RAP1GAP2: variants seen among roughly 807,000 people sequenced by gnomAD.
RAP1GAP2 encodes RAP1 GTPase activating protein 2.
A neutral mutation model predicts 95.0 loss-of-function variants in RAP1GAP2; 27 were observed. The observed-to-expected ratio is 0.28, with a 90% CI of 0.21 to 0.39. The LOEUF (loss-of-function observed/expected upper bound fraction) is 0.39, where lower values mean the gene tolerates loss of function less well. Ranked by LOEUF, RAP1GAP2 falls within the 10% of genes least tolerant of loss-of-function variation. RAP1GAP2 has a pLI of 1.00. For missense variants in RAP1GAP2, 771 were observed against 970.0 expected (o/e 0.79, Z 2.72); for synonymous variants, 373 against 380.9 (o/e 0.98, Z 0.24).
intron 2 of RAP1GAP2, among the ~76,000 whole-genome samples, chr17:2,880,940 A>G (rs2073261882): frequency 6.6e-6 from 1 of 152,054 alleles, no homozygotes. Flanking sequence ...CAGCCTGTCC[A>G]ACATGGTGAA....
intron 2 of RAP1GAP2, among the ~76,000 whole-genome samples, chr17:2,901,022 A>G (rs1329512632): frequency 6.6e-6 from 1 of 152,220 alleles, no homozygotes; most frequent in African/African-American, 2.4e-5. Flanking sequence ...GGGCTCCGCC[A>G]GGGGTCTGTC....
intron 1 of RAP1GAP2, among the ~76,000 whole-genome samples, chr17:2,764,843 G>A (rs1355556786): frequency 6.6e-6 from 1 of 152,232 alleles, no homozygotes; most frequent in African/African-American, 2.4e-5. Context: ...GGGCTCCCCA[G>A]GCACTAATCT....
intron 2 of RAP1GAP2, among the ~76,000 whole-genome samples, chr17:2,873,195 C>T (rs1226257923): frequency 1.3e-5 from 2 of 149,102 alleles, no homozygotes; most frequent in South Asian, 2.1e-4. Flanking sequence ...TGCAGTGGCT[C>T]ATGTCTGTAA....
intron 8 of RAP1GAP2, among the ~76,000 whole-genome samples, chr17:2,974,127 G>C (rs1341937009): frequency 6.6e-6 from 1 of 151,404 alleles, no homozygotes; most frequent in Non-Finnish European, 1.5e-5. Context: ...GGATCACGAG[G>C]TCAGGAGATC....
Position 2,977,347 on chromosome 17 carries a change from T to C in RAP1GAP2, c.597-2940T>C, listed in dbSNP as rs565993160. On this transcript the variant is annotated intron_variant, in intron 8 of 24. Transcript: ENST00000254695. ...TTCACCACTAAAGAATTTGAATTAG[T>C]ACGCAAAAGTATCCTCCTATAAAAA... Among the ~76,000 whole-genome samples the C allele has an allele frequency of 4.6e-5, 7 of 152,270 alleles. No homozygotes were observed. In the East Asian group the frequency reaches 1.4e-3, roughly 29 times the overall value.
At position 2,836,099 on chromosome 17, in the gene RAP1GAP2, C is replaced by A. The variant is rs566613785; in HGVS notation, c.80+35549C>A. On this transcript the variant is annotated intron_variant, in intron 2 of 24. Transcript: ENST00000254695. ...CAGGGGCTTCTCCTGGGAAGTTGTC[C>A]CCATGTCGCCTTCGGGGGGTGCTCC... 2.0e-5 allele frequency among the ~76,000 whole-genome samples: 3 copies of A among 152,098 alleles called. No individual in the cohort carries two copies. In the East Asian group the frequency reaches 5.8e-4, roughly 30 times the overall value.
At chr17:2,881,606 A>T (rs551223348) in intron 2 of RAP1GAP2, among the ~76,000 whole-genome samples, 1 of 152,122 alleles carries the variant, frequency 6.6e-6, no homozygotes, top group Non-Finnish European at 1.5e-5. Context: ...GTTGCTATGA[A>T]CACTTGTGTA....
At chr17:3,032,528 A>C in intron 24 of RAP1GAP2, 79 bp downstream of exon 24, 3 of 1,407,988 alleles carry the variant, frequency 2.1e-6, no homozygotes, top group Non-Finnish European at 3.0e-6. Context: ...GAGGCCTTGT[A>C]ACCTCAGAAT....
chr17:2,900,129 T>C lies in RAP1GAP2; in HGVS notation c.81-5155T>C, dbSNP rs549532114. On this transcript the variant is annotated intron_variant, in intron 2 of 24. Coordinates refer to ENST00000254695, the MANE Select transcript of RAP1GAP2 (RefSeq NM_015085.5). ...ATGCAGGAAAGGGGAGTTTCAGGCT[T>C]TGGGAGAACCCCGTGTGGAGGGGGC... Among the ~76,000 whole-genome samples the C allele has an allele frequency of 2.0e-5, 3 of 152,254 alleles. No individual in the cohort carries two copies. In the East Asian group the frequency reaches 5.8e-4, roughly 29 times the overall value.
chr17:2,830,987 T>TC (rs2070817043), intron 2 of RAP1GAP2, among the ~76,000 whole-genome samples: 1 of 31,912 alleles, frequency 3.1e-5, no homozygotes, highest in Non-Finnish European at 6.0e-5. Context: ...CCCCTACCCT[T>TC]CCCTCCACTT....
chr17:2,965,319 A>G lies in RAP1GAP2; in HGVS notation c.493-221A>G. 1.8e-6 allele frequency: 1 copy of G among 566,956 alleles called. No individual in the cohort carries two copies. The highest frequency in any genetic ancestry group is 2.1e-5 in the South Asian group (1 of 48,260). The allele number at this position is 566,956 out of a possible 1,614,324, so 35.1% of individuals were successfully genotyped here. A position where few individuals can be genotyped will look rare whatever the true frequency, so the allele number is the denominator to read the frequency against. ...TTCTCTCCCGGATACAGCTGTGGTC[A>G]GGACTGAAGGAGATAGTGGGTATTA... On this transcript the variant is annotated intron_variant, in intron 7 of 24. Transcript: ENST00000254695. The surrounding 1 kb of genome is among the most constrained non-coding windows in gnomAD (Gnocchi z 4.7).
intron 4 of RAP1GAP2, among the ~76,000 whole-genome samples, chr17:2,958,592 C>T (rs926133245): frequency 6.6e-6 from 1 of 151,870 alleles, no homozygotes; most frequent in Non-Finnish European, 1.5e-5. Flanking sequence ...TTATTATTAT[C>T]CCCATAGGAC....
At chr17:2,810,016 A>ACCCCCCCCCCCCCCCCCCCC (rs1425621141) in intron 2 of RAP1GAP2, among the ~76,000 whole-genome samples, 1 of 46,810 alleles carries the variant, frequency 2.1e-5, no homozygotes. Flanking sequence ...TTGTGCTGGG[A>ACCCCCCCCCCCCCCCCCCCC]CCCTCCCCTC....
At chr17:2,977,708 G>A (rs912862635) in intron 8 of RAP1GAP2, among the ~76,000 whole-genome samples, 5 of 134,472 alleles carry the variant, frequency 3.7e-5, no homozygotes, top group Admixed American at 8.7e-5. Context: ...TTGTACCACC[G>A]CACTCCAGCC....
At chr17:2,875,211 C>T (rs1047026577) in intron 2 of RAP1GAP2, among the ~76,000 whole-genome samples, 4 of 152,230 alleles carry the variant, frequency 2.6e-5, no homozygotes, top group Admixed American at 6.5e-5. Context: ...AGATTACAGG[C>T]GTGCACCACC....
chr17:2,848,287 C>T (rs544525781), intron 2 of RAP1GAP2, among the ~76,000 whole-genome samples: 3 of 152,222 alleles, frequency 2.0e-5, no homozygotes, highest in South Asian at 4.2e-4. Context: ...CTTAATATGA[C>T]GTCTGTGGCC....
chr17:2,794,059 C>G (rs2069000996), upstream of RAP1GAP2, among the ~76,000 whole-genome samples: 1 of 148,350 alleles, frequency 6.7e-6, no homozygotes, highest in Non-Finnish European at 1.5e-5. Flanking sequence ...TGCCACTGCA[C>G]TCCAGCCTGG....
intron 21 of RAP1GAP2, 124 bp downstream of exon 21, chr17:3,026,588 G>C: frequency 1.1e-6 from 1 of 885,538 alleles, no homozygotes; most frequent in Non-Finnish European, 1.7e-6. Context: ...GGGGAAGAAT[G>C]GAAACGAGAG....
At chr17:2,948,687 T>C (rs886895179) in intron 3 of RAP1GAP2, among the ~76,000 whole-genome samples, 22 of 94,508 alleles carry the variant, frequency 2.3e-4, no homozygotes, top group African/African-American at 6.3e-4. Context: ...AGGGTGGTGA[T>C]GAGATGGAGA....
Sources: gnomAD v4.1 joint callset for allele counts (sites outside exome capture counted in the v4.1 genomes callset) on GRCh38, gnomAD v4.1.1 for gene constraint, Gnocchi (gnomAD v3.1) non-coding constraint, MANE v1.5 for transcripts, NCBI Gene and HGNC (gene_info 2026-07-23, HGNC 2026-07-21) for gene names.